TIAM2: variants seen among roughly 807,000 people sequenced by gnomAD.
The protein encoded by TIAM2 is rho guanine nucleotide exchange factor TIAM2.
In TIAM2, 80 loss-of-function variants were observed where a neutral mutation model predicts 152.9. That is an observed-to-expected ratio of 0.52 (90% CI 0.44 to 0.63). The LOEUF (loss-of-function observed/expected upper bound fraction) is 0.63, where lower values mean the gene tolerates loss of function less well. Ranked by LOEUF, TIAM2 falls within the 30% of genes least tolerant of loss-of-function variation. The pLI, the probability that TIAM2 is intolerant of heterozygous loss-of-function variation, is 0.00. For synonymous variants in TIAM2, 804 were observed against 838.0 expected (o/e 0.96, Z 0.70); for missense variants, 1,965 against 2,120.1 (o/e 0.93, Z 1.44).
In TIAM2 at chr6:155,164,618, G is replaced by A. The variant is rs548929156; in HGVS notation, c.2214+18G>A. The A allele has an allele frequency of 2.5e-6, 4 of 1,595,006 alleles. No homozygotes were observed. In the South Asian group the frequency reaches 3.3e-5, roughly 13 times the overall value. On this transcript the variant is annotated intron_variant, in intron 8 of 26. Coordinates refer to ENST00000682666, the MANE Select transcript of TIAM2 (RefSeq NM_012454.4). ...ATGCTCTGGTAAGTTCCTGAGGAAG[G>A]CTGTTTCTGCAGCATTCGGGGAGGG...
chr6:155,241,754 G>C (rs1783045183), intron 16 of TIAM2, among the ~76,000 whole-genome samples: 2 of 152,160 alleles, frequency 1.3e-5, no homozygotes, highest in South Asian at 4.1e-4. Flanking sequence ...ATTATGTCTT[G>C]TCCTGCATCC....
intron 2 of TIAM2, among the ~76,000 whole-genome samples, chr6:155,093,810 T>A (rs530624485): frequency 6.6e-6 from 1 of 152,320 alleles, no homozygotes; most frequent in Non-Finnish European, 1.5e-5. Flanking sequence ...CTTTCTAAAT[T>A]CATGCCTGAT....
At chr6:155,028,132 T>C (rs62649480) in intron 1 of TIAM2, among the ~76,000 whole-genome samples, 3,824 of 79,100 alleles carry the variant, frequency 0.048, 241 homozygotes, top group African/African-American at 0.068. Flanking sequence ...ATATATACTA[T>C]ATATAATATA....
chr6:155,070,165 C>T (rs1480584093), intron 1 of TIAM2, among the ~76,000 whole-genome samples: 2 of 148,426 alleles, frequency 1.3e-5, no homozygotes, highest in African/African-American at 5.0e-5. Context: ...CCCCACCTCC[C>T]AAAGTGCTGA....
At chr6:155,094,546 C>CA (rs746652506) in intron 2 of TIAM2, among the ~76,000 whole-genome samples, 1 of 79,940 alleles carries the variant, frequency 1.3e-5, no homozygotes, top group Non-Finnish European at 2.2e-5. Context: ...TTCACTCAGA[C>CA]TTTTTTTTTT....
intron 7 of TIAM2, 41 bp from the exon 8 acceptor site, chr6:155,164,374 C>T (rs1583223698): frequency 1.3e-6 from 2 of 1,539,200 alleles, no homozygotes; most frequent in East Asian, 2.3e-5. Flanking sequence ...CCTGTGAAAA[C>T]TTTTAATTTT....
chr6:155,020,815 C>T (rs748721393), intron 1 of TIAM2, among the ~76,000 whole-genome samples: 15 of 152,050 alleles, frequency 9.9e-5, no homozygotes, highest in Non-Finnish European at 2.1e-4. Flanking sequence ...ATTGTGCAGC[C>T]CTCACCACTA....
At chr6:155,110,349 A>G (rs1424025680) in intron 2 of TIAM2, among the ~76,000 whole-genome samples, 4 of 56,702 alleles carry the variant, frequency 7.1e-5, no homozygotes, top group African/African-American at 2.2e-4. Flanking sequence ...TCTTTCATCT[A>G]TTTACTTACC....
At chr6:155,149,615 G>C (rs927888371) in intron 7 of TIAM2, among the ~76,000 whole-genome samples, 1 of 152,104 alleles carries the variant, frequency 6.6e-6, no homozygotes, top group Non-Finnish European at 1.5e-5. Flanking sequence ...TTTTTCATCT[G>C]TGTATATATG....
chr6:155,164,468 G>A lies in TIAM2; in HGVS notation c.2082G>A (p.Met694Ile). Residue 694 changes from methionine to isoleucine, a missense_variant, in exon 8 of 27, where the codon ATG becomes ATA. Physicochemically the swap from Met to Ile is conservative, Grantham distance 10. This residue lies in a region of TIAM2 where 1,025 missense variants were observed against 1,119.4 expected (regional missense o/e 0.92). Transcript: ENST00000682666. ...LEKFHMDLFR[M>I]RCYLASLQGG... Reference sequence around the variant, plus strand: ...AATTTCACATGGATCTGTTCAGGATGCGCTGCTATCTGGCCAGCCTACAAG... The same window carrying A: ...AATTTCACATGGATCTGTTCAGGATACGCTGCTATCTGGCCAGCCTACAAG... 6.2e-7 allele frequency: 1 copy of A among 1,614,100 alleles called. No individual in the cohort carries two copies. The highest frequency in any genetic ancestry group is 1.3e-5 in the African/African-American group (1 of 75,028).
intron 15 of TIAM2, among the ~76,000 whole-genome samples, chr6:155,238,237 CCAA>C (rs1246224334): frequency 6.6e-6 from 1 of 152,216 alleles, no homozygotes; most frequent in African/African-American, 2.4e-5. Flanking sequence ...GCTCCAGTTC[CCAA>C]CAAGTTCCTC....
Position 155,129,407 on chromosome 6 carries a change from C to T in TIAM2, c.184C>T (p.Arg62Ter), listed in dbSNP as rs759233075. The change falls in exon 4 of 27, where the codon CGA becomes TGA. Residue 62 changes from arginine (R) to a stop codon, truncating the protein, a stop_gained. Coordinates refer to ENST00000682666, the MANE Select transcript of TIAM2 (RefSeq NM_012454.4). LOFTEE classifies it high-confidence loss of function. The surrounding 1 kb of genome is among the most constrained non-coding windows in gnomAD (Gnocchi z 4.8). ...GAGYKSRSLA[R>*]SCLSHFKSNQ... ...AGGTTACAAGTCCAGGTCCCTGGCC[C>T]GAAGCTGCCTTTCTCACTTTAAGAG... The T allele has an allele frequency of 8.1e-6, 13 of 1,613,996 alleles. No homozygotes were observed. Among genetic ancestry groups the T allele is most frequent in the East Asian group, 4.5e-5 (2 of 44,896 alleles).
intron 9 of TIAM2, chr6:155,168,859 T>C: frequency 6.5e-7 from 1 of 1,535,772 alleles, no homozygotes; most frequent in Non-Finnish European, 8.7e-7. Context: ...TTGATTCAAG[T>C]GGCAGCCATG....
At chr6:155,193,400 T>C (rs889203311) in intron 14 of TIAM2, among the ~76,000 whole-genome samples, 4 of 114,828 alleles carry the variant, frequency 3.5e-5, no homozygotes, top group Admixed American at 2.6e-4. Context: ...CGAGACCTTG[T>C]CTCAAAAAAA....
chr6:155,018,839 C>T (rs1364173785), intron 1 of TIAM2, among the ~76,000 whole-genome samples: 8 of 133,042 alleles, frequency 6.0e-5, no homozygotes, highest in Admixed American at 3.2e-4. Context: ...ACGAGTTCGA[C>T]ATCAGCCTGG....
chr6:155,254,224 T>A (rs541355352), intron 25 of TIAM2, 164 bp downstream of exon 25: 2 of 988,398 alleles, frequency 2.0e-6, no homozygotes, highest in African/African-American at 3.3e-5. Context: ...CTATGTTGAT[T>A]AAATAAATAT....
intron 13 of TIAM2, among the ~76,000 whole-genome samples, chr6:155,182,855 A>G (rs1233049778): frequency 6.6e-6 from 1 of 152,256 alleles, no homozygotes; most frequent in Non-Finnish European, 1.5e-5. Flanking sequence ...GGTTGCAGTG[A>G]GCTGAGATCT....
intron 1 of TIAM2, among the ~76,000 whole-genome samples, chr6:155,020,714 C>T (rs1484599971): frequency 2.0e-5 from 3 of 152,166 alleles, no homozygotes; most frequent in Admixed American, 6.6e-5. Flanking sequence ...CTGCCAGCCT[C>T]GGCCTCCCAA....
rs539461092 is a variant in TIAM2 at position 155,077,843 on chromosome 6, G to A, written c.-208-12446G>A. 1.7e-3 allele frequency among the ~76,000 whole-genome samples: 262 copies of A among 152,232 alleles called. 1 individual carries two copies. Among genetic ancestry groups the A allele is most frequent in the Non-Finnish European group, 3.0e-3 (207 of 68,008 alleles). On this transcript the variant is annotated intron_variant, in intron 1 of 26. Transcript: ENST00000682666. ...AAACCCTACCAAGTGGCAGACCTGG[G>A]GTTTGCCTGTAGCGCCTCACTGGCC...
Sources: allele counts gnomAD v4.1 joint callset (sites outside exome capture counted in the v4.1 genomes callset), GRCh38; gene constraint gnomAD v4.1.1; regional missense constraint gnomAD v4.1.1; non-coding constraint Gnocchi (gnomAD v3.1); transcripts MANE v1.5; gene names NCBI Gene and HGNC (gene_info 2026-07-23, HGNC 2026-07-21).